The following TENM3 variants were observed in gnomAD, a reference collection of about 807,000 sequenced individuals.
TENM3 encodes the protein teneurin transmembrane protein 3.
A neutral mutation model predicts 255.1 loss-of-function variants in TENM3; 63 were observed. The ratio of observed to expected loss-of-function variants is 0.25; its 90% CI spans 0.20 to 0.30. TENM3 has a LOEUF of 0.30. Ranked by LOEUF, TENM3 falls within the 10% of genes least tolerant of loss-of-function variation. TENM3 has a pLI of 1.00. For missense variants in TENM3, 2,929 were observed against 3,461.1 expected, an observed-to-expected ratio of 0.85 and a Z score of 3.86; for synonymous variants, 1,306 against 1,322.3, an observed-to-expected ratio of 0.99 and a Z score of 0.27.
intron 22 of TENM3, among the ~76,000 whole-genome samples, chr4:182,764,570 A>T (rs970496021): frequency 3.9e-5 from 6 of 152,228 alleles, no homozygotes; most frequent in African/African-American, 1.2e-4. Context: ...TTGTGAATAA[A>T]GGCTACCCAG....
the TENM3 span, among the ~76,000 whole-genome samples, chr4:181,767,032 C>T: frequency 4.8e-5 from 7 of 146,564 alleles, no homozygotes; most frequent in Admixed American, 4.8e-4. Flanking sequence ...GCGGGCGGAT[C>T]ACGAGGTCAG....
intron 1 of TENM3, among the ~76,000 whole-genome samples, chr4:182,223,573 G>A (rs2149974696): frequency 6.6e-6 from 1 of 152,124 alleles, no homozygotes; most frequent in South Asian, 2.1e-4. Flanking sequence ...GACCTCATTT[G>A]CTCCTAAAAA....
intron 1 of TENM3, among the ~76,000 whole-genome samples, chr4:182,230,180 G>A (rs934633554): frequency 6.7e-6 from 1 of 150,300 alleles, no homozygotes; most frequent in African/African-American, 2.5e-5. Flanking sequence ...AGAACACAGT[G>A]TACCTGATCT....
the TENM3 span, among the ~76,000 whole-genome samples, chr4:181,666,663 G>A: frequency 6.6e-6 from 1 of 152,148 alleles, no homozygotes; most frequent in East Asian, 1.9e-4. Context: ...AAACTCAACA[G>A]TAGCTGCAGC....
chr4:182,081,584 A>G, the TENM3 span, among the ~76,000 whole-genome samples: 1 of 18,444 alleles, frequency 5.4e-5, no homozygotes, highest in Non-Finnish European at 1.4e-4. Flanking sequence ...GCTCTGCCTC[A>G]AAAAAAAAAA....
chr4:182,753,415 G>T (rs373352327), intron 20 of TENM3, 35 bp from the exon 21 acceptor site: 12 of 1,585,978 alleles, frequency 7.6e-6, no homozygotes, highest in Admixed American at 1.7e-5. Context: ...AACCATTTTT[G>T]AAAAATTAGT....
chr4:182,740,867 A>C (rs1761550962), intron 18 of TENM3, among the ~76,000 whole-genome samples: 1 of 152,218 alleles, frequency 6.6e-6, no homozygotes, highest in African/African-American at 2.4e-5. Flanking sequence ...CCTCAAAAAA[A>C]AATGTTCTAA....
intron 1 of TENM3, among the ~76,000 whole-genome samples, chr4:182,205,599 G>A (rs555656456): frequency 9.8e-5 from 15 of 152,338 alleles, no homozygotes; most frequent in Admixed American, 5.2e-4. Context: ...CCAAATCACC[G>A]CGCCACATCT....
chr4:181,594,972 CCATA>C, the TENM3 span, among the ~76,000 whole-genome samples: 3 of 152,004 alleles, frequency 2.0e-5, no homozygotes, highest in Non-Finnish European at 4.4e-5. Flanking sequence ...ACAGAAAGGC[CCATA>C]CCTCTGTGTT....
intron 1 of TENM3, among the ~76,000 whole-genome samples, chr4:182,166,538 A>G (rs1751734930): frequency 6.6e-6 from 1 of 152,144 alleles, no homozygotes; most frequent in South Asian, 2.1e-4. Context: ...TTCACCCCAA[A>G]CTACATCACA....
chr4:181,533,587 C>T, the TENM3 span, among the ~76,000 whole-genome samples: 6 of 152,118 alleles, frequency 3.9e-5, no homozygotes, highest in African/African-American at 1.2e-4. Context: ...CCACTGGGGT[C>T]TCCTTCCCTC....
At chr4:182,226,341 G>T (rs1756157074) in intron 1 of TENM3, among the ~76,000 whole-genome samples, 1 of 152,126 alleles carries the variant, frequency 6.6e-6, no homozygotes, top group Non-Finnish European at 1.5e-5. Flanking sequence ...AAGGGCAAGT[G>T]ATCTATTTAT....
chr4:181,865,166 G>A, the TENM3 span, among the ~76,000 whole-genome samples: 1 of 152,348 alleles, frequency 6.6e-6, no homozygotes, highest in African/African-American at 2.4e-5. Context: ...AACAAGGCAA[G>A]CTGTGCTGGC....
At chr4:182,332,412 G>C (rs1032006882) in intron 2 of TENM3, among the ~76,000 whole-genome samples, 1 of 152,164 alleles carries the variant, frequency 6.6e-6, no homozygotes, top group Non-Finnish European at 1.5e-5. Context: ...ATGAGTTCAA[G>C]CCAGGCACAG....
In TENM3 at chr4:182,754,767, A is replaced by G. The variant is rs1762610475; in HGVS notation, c.4400A>G (p.Lys1467Arg). The G allele has an allele frequency of 6.2e-7, 1 of 1,614,100 alleles. No individual in the cohort carries two copies. The highest frequency in any genetic ancestry group is 1.3e-5 in the African/African-American group (1 of 75,080). Residue 1467 changes from lysine to arginine, a missense_variant, in exon 22 of 28, where the codon AAG becomes AGG. Physicochemically the swap from Lys to Arg is conservative, Grantham distance 26. Around this residue, in one of 6 missense-constraint regions of TENM3, gnomAD observed 1,608 missense variants for 1,884.4 expected, o/e 0.85. Transcript: ENST00000511685. The surrounding 1 kb of genome is among the most constrained non-coding windows in gnomAD (Gnocchi z 5.1). ...DCYQSGDGYAKDAKLSAPSSL... is the reference protein window; with the variant it reads ...DCYQSGDGYARDAKLSAPSSL... The stretch of plus-strand genomic sequence containing the variant: ...TACCAGAGTGGAGATGGCTACGCCA[A>G]GGATGCCAAACTCAGTGCCCCATCC...
chr4:181,489,335 T>C, the TENM3 span, among the ~76,000 whole-genome samples: 1 of 152,132 alleles, frequency 6.6e-6, no homozygotes, highest in Admixed American at 6.5e-5. Flanking sequence ...ACTTCAAAAA[T>C]AGAGAAACCA....
chr4:181,859,753 T>G, the TENM3 span, among the ~76,000 whole-genome samples: 3 of 152,334 alleles, frequency 2.0e-5, no homozygotes, highest in African/African-American at 7.2e-5. Flanking sequence ...AAACAGAGTT[T>G]TATCTTAATT....
chr4:181,507,825 T>G, the TENM3 span, among the ~76,000 whole-genome samples: 3 of 151,766 alleles, frequency 2.0e-5, no homozygotes, highest in African/African-American at 7.3e-5. Context: ...TTAAAGAACA[T>G]TGCTTAGGCG....
At chr4:182,548,008 G>A (rs776196834) in intron 3 of TENM3, among the ~76,000 whole-genome samples, 27 of 151,956 alleles carry the variant, frequency 1.8e-4, no homozygotes, top group South Asian at 2.1e-4. Context: ...AGTTAAGCCC[G>A]GTAGTTTGAG....
Sources: gnomAD v4.1 joint callset for allele counts (sites outside exome capture counted in the v4.1 genomes callset) on GRCh38, gnomAD v4.1.1 for gene constraint, gnomAD v4.1.1 regional missense constraint, Gnocchi (gnomAD v3.1) non-coding constraint, MANE v1.5 for transcripts, NCBI Gene and HGNC (gene_info 2026-07-23, HGNC 2026-07-21) for gene names.